FAAH2: variants seen among roughly 807,000 people sequenced by gnomAD.
FAAH2 encodes the protein fatty acid amide hydrolase 2, also known as fatty-acid amide hydrolase 2.
A neutral mutation model predicts 36.9 loss-of-function variants in FAAH2; 60 were observed. The observed-to-expected ratio is 1.63, with a 90% CI of 1.32 to 2.02. The LOEUF is 2.02. Among genes scored for constraint, FAAH2 ranks in the 30% most tolerant of loss-of-function variants. The probability of loss-of-function intolerance (pLI) is 0.00; values close to 1 mark genes in which losing one functional copy is unlikely to be tolerated. For missense variants in FAAH2, 689 were observed against 397.5 expected, an observed-to-expected ratio of 1.73 and a Z score of -6.23; for synonymous variants, 214 against 143.8, an observed-to-expected ratio of 1.49 and a Z score of -3.49.
At chrX:57,459,580 A>G (rs2056921551) in intron 10 of FAAH2, among the ~76,000 whole-genome samples, 1 of 111,835 alleles carries the variant, frequency 8.9e-6, no homozygotes, top group South Asian at 3.7e-4. Context: ...TTTGACAGAC[A>G]CCTCATACAG....
intron 8 of FAAH2, among the ~76,000 whole-genome samples, chrX:57,434,718 T>A (rs1309364129): frequency 9.0e-6 from 1 of 111,473 alleles, no homozygotes; most frequent in Non-Finnish European, 1.9e-5. Context: ...AAATCCTATT[T>A]AAGAAAATTA....
chrX:57,305,853 C>A (rs778970841), intron 2 of FAAH2, among the ~76,000 whole-genome samples: 1 of 111,831 alleles, frequency 8.9e-6, no homozygotes, highest in African/African-American at 3.2e-5. Context: ...ACTACCCCAT[C>A]TGATATCTAT....
At chrX:57,300,353 C>T (rs774530827) in intron 2 of FAAH2, among the ~76,000 whole-genome samples, 4 of 111,588 alleles carry the variant, frequency 3.6e-5, no homozygotes, top group Non-Finnish European at 5.6e-5. Context: ...ACAAGCAATG[C>T]GGAAAGGATT....
rs142734351 is a variant in FAAH2, at chrX:57,330,950, G to T, written c.413-648G>T. Among the ~76,000 whole-genome samples the T allele has an allele frequency of 4.6e-3, 511 of 110,580 alleles. 3 individuals carry two copies. Among genetic ancestry groups the T allele is most frequent in the African/African-American group, 0.016 (482 of 30,396 alleles). ...GTACTTAGGGGCTGCACTGCAAGCA[G>T]GCAGGATCAGACTTGGGCCCTGGGA... is the stretch of plus-strand genomic sequence containing the variant. On this transcript the variant is annotated intron_variant, in intron 3 of 10. Transcript: ENST00000374900.
At chrX:57,457,383 C>T (rs1035890311) in intron 10 of FAAH2, among the ~76,000 whole-genome samples, 1 of 110,890 alleles carries the variant, frequency 9.0e-6, no homozygotes, top group Non-Finnish European at 1.9e-5. Flanking sequence ...CCCTTGGGAA[C>T]TGGAACAAGA....
At chrX:57,311,899 T>G (rs2052705297) in intron 3 of FAAH2, among the ~76,000 whole-genome samples, 1 of 110,926 alleles carries the variant, frequency 9.0e-6, no homozygotes, top group Non-Finnish European at 1.9e-5. Flanking sequence ...TACTTGAGAG[T>G]AAGGAGCAGA....
chrX:57,129,568 A>G, the FAAH2 span, among the ~76,000 whole-genome samples: 1 of 112,494 alleles, frequency 8.9e-6, no homozygotes, highest in Non-Finnish European at 1.9e-5. Context: ...TTTTTCTAGC[A>G]AAGGTGAAAC....
the FAAH2 span, among the ~76,000 whole-genome samples, chrX:57,152,153 G>T: frequency 1.8e-5 from 2 of 111,938 alleles, no homozygotes; most frequent in South Asian, 7.5e-4. Context: ...GGGGTACTCA[G>T]CTGTGTGAGG....
chrX:57,376,327 T>A (rs1018172713), intron 5 of FAAH2, among the ~76,000 whole-genome samples: 5 of 111,121 alleles, frequency 4.5e-5, no homozygotes, highest in Admixed American at 9.6e-5. Context: ...TGGTGGTTTG[T>A]TGCACCCATC....
the FAAH2 span, among the ~76,000 whole-genome samples, chrX:57,150,130 T>C: frequency 8.9e-6 from 1 of 112,252 alleles, no homozygotes; most frequent in Admixed American, 9.5e-5. Context: ...AGAGACAGTT[T>C]GTTATAATGT....
intron 3 of FAAH2, among the ~76,000 whole-genome samples, chrX:57,324,262 G>A (rs1487082653): frequency 1.8e-5 from 2 of 112,011 alleles, no homozygotes; most frequent in South Asian, 3.7e-4. Flanking sequence ...ATAGTTTGAA[G>A]TCAGGTAGCA....
intron 5 of FAAH2, among the ~76,000 whole-genome samples, chrX:57,344,750 T>G (rs980835491): frequency 1.8e-5 from 2 of 111,453 alleles, no homozygotes; most frequent in Non-Finnish European, 3.8e-5. Context: ...ATTATTTTGA[T>G]GTATGCTCTT....
the FAAH2 span, among the ~76,000 whole-genome samples, chrX:57,176,983 G>A: frequency 9.1e-6 from 1 of 110,043 alleles, no homozygotes; most frequent in Non-Finnish European, 1.9e-5. Context: ...GTCCCATAAA[G>A]CTTATCTTGT....
the FAAH2 span, among the ~76,000 whole-genome samples, chrX:57,276,491 C>T: frequency 2.6e-4 from 29 of 111,550 alleles, no homozygotes; most frequent in African/African-American, 7.2e-4. Flanking sequence ...AAAATCAGCA[C>T]CCTAACACCA....
the FAAH2 span, among the ~76,000 whole-genome samples, chrX:57,267,043 C>T: frequency 1.8e-5 from 2 of 111,898 alleles, no homozygotes; most frequent in East Asian, 5.7e-4. Flanking sequence ...GCTTATAAGA[C>T]AGTCTCAGGT....
At chrX:57,393,770 A>T in intron 7 of FAAH2, 1 of 936,392 alleles carries the variant, frequency 1.1e-6, no homozygotes, top group Non-Finnish European at 1.6e-6. Flanking sequence ...ATCAAAGTGG[A>T]CCGTCTGTGT....
intron 8 of FAAH2, among the ~76,000 whole-genome samples, chrX:57,439,466 A>C (rs1372674864): frequency 1.8e-5 from 2 of 110,923 alleles, no homozygotes; most frequent in Non-Finnish European, 3.8e-5. Flanking sequence ...TTTTTCTTGT[A>C]AATTTGTTGG....
chrX:57,238,169 A>T, the FAAH2 span, among the ~76,000 whole-genome samples: 1 of 111,944 alleles, frequency 8.9e-6, no homozygotes, highest in African/African-American at 3.2e-5. Flanking sequence ...AGTAATATAA[A>T]TTTTTCTGCC....
intron 7 of FAAH2, among the ~76,000 whole-genome samples, chrX:57,403,651 G>A (rs1028598135): frequency 8.9e-6 from 1 of 112,552 alleles, no homozygotes; most frequent in Non-Finnish European, 1.9e-5. Context: ...AGTGCAAACA[G>A]CTCGCACGTT....
Sources: allele counts gnomAD v4.1 joint callset (sites outside exome capture counted in the v4.1 genomes callset), GRCh38; gene constraint gnomAD v4.1.1; transcripts MANE v1.5; gene names NCBI Gene and HGNC (gene_info 2026-07-23, HGNC 2026-07-21).